Variants in PIBF1 observed in about 807,000 individuals in gnomAD.
PIBF1 encodes progesterone-induced-blocking factor 1.
Under a neutral mutation model 112.5 loss-of-function variants are expected in PIBF1, and 90 were observed. The ratio of observed to expected loss-of-function variants is 0.80; its 90% CI spans 0.67 to 0.95. The LOEUF is 0.95. Ranked by LOEUF, PIBF1 falls within the 40% of genes least tolerant of loss-of-function variation. The pLI, the probability that PIBF1 is intolerant of heterozygous loss-of-function variation, is 0.00. For missense variants in PIBF1, 915 were observed against 852.3 expected, an observed-to-expected ratio of 1.07 and a Z score of -0.92; for synonymous variants, 301 against 288.6, an observed-to-expected ratio of 1.04 and a Z score of -0.44.
chr13:72,848,809 G>A lies in PIBF1; in HGVS notation c.1224-5248G>A, dbSNP rs578049075. ...ATCGCGCCACTGCACTCCAGCTTGG[G>A]TGACAGAGTGAGACTCCGTCTCAAA... On this transcript the variant is annotated intron_variant, in intron 9 of 17. Coordinates refer to ENST00000326291, the MANE Select transcript of PIBF1 (RefSeq NM_006346.4). Among the ~76,000 whole-genome samples, 31 of 150,810 alleles carry A rather than the reference G, an allele frequency of 2.1e-4. No individual in the cohort carries two copies. The South Asian group carries it at 5.9e-3, about 29-fold the overall frequency.
chr13:72,786,779 T>C (rs1457196131), intron 2 of PIBF1, among the ~76,000 whole-genome samples: 1 of 152,232 alleles, frequency 6.6e-6, no homozygotes, highest in Non-Finnish European at 1.5e-5. Context: ...AGTTTTTTTC[T>C]CTATCATACG....
chr13:72,814,638 A>G (rs1019756259), intron 5 of PIBF1, among the ~76,000 whole-genome samples: 1 of 152,040 alleles, frequency 6.6e-6, no homozygotes, highest in Admixed American at 6.6e-5. Context: ...AAAAACTGAA[A>G]TAAAACAATG....
At chr13:72,819,446 C>A (rs995504092) in intron 5 of PIBF1, among the ~76,000 whole-genome samples, 5 of 152,036 alleles carry the variant, frequency 3.3e-5, no homozygotes, top group Admixed American at 6.6e-5. Flanking sequence ...TATTGTCAAG[C>A]TTGTTTCATT....
chr13:72,914,857 G>A (rs544462182), intron 12 of PIBF1, among the ~76,000 whole-genome samples: 45 of 152,274 alleles, frequency 3.0e-4, no homozygotes, highest in African/African-American at 1.1e-3. Flanking sequence ...TGGGATTATA[G>A]GCATAAGCCA....
chr13:72,861,719 C>G (rs1427713471), intron 10 of PIBF1, among the ~76,000 whole-genome samples: 2 of 152,098 alleles, frequency 1.3e-5, no homozygotes, highest in Middle Eastern at 3.2e-3. Flanking sequence ...GTGTGTGCCA[C>G]CACACCTGGC....
chr13:72,916,315 C>T (rs899979410), intron 12 of PIBF1, among the ~76,000 whole-genome samples: 3 of 151,774 alleles, frequency 2.0e-5, no homozygotes, highest in African/African-American at 7.3e-5. Flanking sequence ...TCGCTTGAAC[C>T]TGGGAGGCAG....
chr13:72,841,283 C>A (rs574638625), intron 9 of PIBF1, among the ~76,000 whole-genome samples: 2 of 152,120 alleles, frequency 1.3e-5, no homozygotes, highest in Non-Finnish European at 2.9e-5. Flanking sequence ...TAAATAACTT[C>A]TTGCTTAGTA....
intron 11 of PIBF1, among the ~76,000 whole-genome samples, chr13:72,904,231 CAG>C (rs948216204): frequency 6.6e-6 from 1 of 151,350 alleles, no homozygotes; most frequent in African/African-American, 2.4e-5. Flanking sequence ...GGTCATTAAA[CAG>C]AAACTACAAT....
At chr13:72,899,020 C>T (rs2040386605) in intron 11 of PIBF1, among the ~76,000 whole-genome samples, 1 of 151,718 alleles carries the variant, frequency 6.6e-6, no homozygotes, top group Non-Finnish European at 1.5e-5. Flanking sequence ...AACTAGAAAA[C>T]CTAAAAGAGA....
At position 72,917,175 on chromosome 13, in the gene PIBF1, AATAT is replaced by A; in HGVS notation, c.1730+14_1730+17del. On this transcript the variant is annotated intron_variant, in intron 13 of 17. Coordinates refer to ENST00000326291, the MANE Select transcript of PIBF1 (RefSeq NM_006346.4). The stretch of plus-strand genomic sequence containing the variant: ...AGACGACTAAAGCAAAGGTAAAATC[AATAT>A]ATATTTATTTTATTTATCTACTCAA... 1.3e-6 allele frequency: 2 copies of A among 1,504,320 alleles called. No homozygotes were observed. Among genetic ancestry groups the A allele is most frequent in the Non-Finnish European group, 1.8e-6 (2 of 1,105,650 alleles). The allele number at this position is 1,504,320 out of a possible 1,614,324, so 93.2% of individuals were successfully genotyped here.
chr13:72,984,519 CATTT>C (rs2138978151), intron 16 of PIBF1, among the ~76,000 whole-genome samples: 1 of 152,082 alleles, frequency 6.6e-6, no homozygotes, highest in African/African-American at 2.4e-5. Flanking sequence ...TTTTTATATT[CATTT>C]ATTTTATTTA....
intron 10 of PIBF1, among the ~76,000 whole-genome samples, chr13:72,890,912 A>T (rs2040031473): frequency 6.6e-6 from 1 of 152,128 alleles, no homozygotes; most frequent in African/African-American, 2.4e-5. Context: ...TTTGAGGCAG[A>T]TCCTTTCACT....
intron 16 of PIBF1, 149 bp downstream of exon 16, chr13:72,973,824 C>T (rs1485444865): frequency 1.8e-6 from 1 of 550,964 alleles, no homozygotes; most frequent in African/African-American, 2.0e-5. Context: ...TTTTATTCAA[C>T]TTTTGATATA....
chr13:72,985,065 G>C (rs1209400576), intron 16 of PIBF1, among the ~76,000 whole-genome samples: 1 of 151,960 alleles, frequency 6.6e-6, no homozygotes, highest in African/African-American at 2.4e-5. Flanking sequence ...TCAGTAAGGA[G>C]CAAGTAAATG....
intron 15 of PIBF1, 98 bp from the exon 16 acceptor site, chr13:72,973,493 A>C (rs1473302404): frequency 1.6e-6 from 1 of 625,244 alleles, no homozygotes; most frequent in African/African-American, 2.0e-5. Flanking sequence ...CTTTAGTTCA[A>C]ACCATCAGAT....
chr13:72,954,626 T>TC (rs2042390230), intron 14 of PIBF1, among the ~76,000 whole-genome samples: 1 of 152,198 alleles, frequency 6.6e-6, no homozygotes, highest in East Asian at 1.9e-4. Context: ...GTTAAGGCCT[T>TC]CCCCTGTGGC....
At chr13:72,961,684 T>C (rs2042611775) in intron 14 of PIBF1, among the ~76,000 whole-genome samples, 1 of 152,174 alleles carries the variant, frequency 6.6e-6, no homozygotes, top group African/African-American at 2.4e-5. Flanking sequence ...ATAATAGATA[T>C]CCACCATTTT....
intron 14 of PIBF1, among the ~76,000 whole-genome samples, chr13:72,948,429 CA>C (rs1204373990): frequency 6.6e-6 from 1 of 152,042 alleles, no homozygotes; most frequent in East Asian, 1.9e-4. Context: ...TCCATATGAC[CA>C]TTGGCATTTT....
intron 8 of PIBF1, among the ~76,000 whole-genome samples, chr13:72,828,607 C>A (rs2036942324): frequency 6.6e-6 from 1 of 152,162 alleles, no homozygotes; most frequent in African/African-American, 2.4e-5. Flanking sequence ...GACATGAACT[C>A]ATCCTTTTTA....
Sources: gnomAD v4.1 joint callset for allele counts (sites outside exome capture counted in the v4.1 genomes callset) on GRCh38, gnomAD v4.1.1 for gene constraint, MANE v1.5 for transcripts, NCBI Gene and HGNC (gene_info 2026-07-23, HGNC 2026-07-21) for gene names.